Variants in FRYL observed in about 807,000 individuals in gnomAD.
FRYL encodes FRY like transcription coactivator.
A neutral mutation model predicts 351.2 loss-of-function variants in FRYL; 150 were observed. That is an observed-to-expected ratio of 0.43 (90% CI 0.37 to 0.49). FRYL has a LOEUF of 0.49. Ranked by LOEUF, FRYL falls within the 20% of genes least tolerant of loss-of-function variation. FRYL has a pLI of 0.00. For synonymous variants in FRYL, 1,153 were observed against 1,257.1 expected (o/e 0.92, Z 1.75); for missense variants, 3,036 against 3,619.3 (o/e 0.84, Z 4.13).
intron 2 of FRYL, among the ~76,000 whole-genome samples, chr4:48,704,454 C>CA (rs1189004807): frequency 6.6e-6 from 1 of 152,084 alleles, no homozygotes; most frequent in Admixed American, 6.6e-5. Flanking sequence ...GATGGGAACA[C>CA]AAAGAGGTAT....
chr4:48,752,789 A>G (rs1358567114), intron 1 of FRYL, among the ~76,000 whole-genome samples: 2 of 152,260 alleles, frequency 1.3e-5, no homozygotes, highest in African/African-American at 4.8e-5. Context: ...AAGTTTTTCA[A>G]AAGTATGTTT....
chr4:48,604,018 G>A (rs1346994357), intron 11 of FRYL, among the ~76,000 whole-genome samples: 5 of 151,986 alleles, frequency 3.3e-5, no homozygotes, highest in Non-Finnish European at 7.4e-5. Context: ...CACCCCTTTG[G>A]CAATCCTATG....
rs1344942940 is a variant in FRYL at position 48,710,604 on chromosome 4, G to C, written c.-289C>G. The C allele has an allele frequency of 5.0e-6, 2 of 398,508 alleles. No homozygotes were observed. Among genetic ancestry groups the C allele is most frequent in the East Asian group, 3.6e-5 (1 of 28,070 alleles). The allele number at this position is 398,508 out of a possible 1,614,324, so 24.7% of individuals were successfully genotyped here. A position where few individuals can be genotyped will look rare whatever the true frequency, so the allele number is the denominator to read the frequency against. On this transcript the variant is annotated 5_prime_UTR_variant, in exon 2 of 64. Coordinates refer to ENST00000358350, the MANE Select transcript of FRYL (RefSeq NM_015030.2). ...TCCATCTAGAAGCTTTTTTGATCTG[G>C]AGCTTGTACTTTACAGGCACTCGAG...
chr4:48,759,292 T>C (rs1052351447), intron 1 of FRYL, among the ~76,000 whole-genome samples: 6 of 152,102 alleles, frequency 3.9e-5, no homozygotes, highest in African/African-American at 1.4e-4. Flanking sequence ...ATGGACACCT[T>C]TTTCTCACAA....
At chr4:48,770,555 A>G (rs1481848344) in intron 1 of FRYL, among the ~76,000 whole-genome samples, 10 of 152,038 alleles carry the variant, frequency 6.6e-5, no homozygotes. Flanking sequence ...CTCCTGCCTC[A>G]GCCTCCTGTG....
chr4:48,623,768 G>A (rs562135184), intron 4 of FRYL, among the ~76,000 whole-genome samples: 1 of 151,922 alleles, frequency 6.6e-6, no homozygotes, highest in South Asian at 2.1e-4. Flanking sequence ...TTAAATATCT[G>A]TTCAATACTT....
At chr4:48,674,441 T>G (rs1763223582) in intron 3 of FRYL, among the ~76,000 whole-genome samples, 1 of 152,204 alleles carries the variant, frequency 6.6e-6, no homozygotes, top group Non-Finnish European at 1.5e-5. Flanking sequence ...TCATTTTGAT[T>G]TCTTTATTAA....
At position 48,498,083 on chromosome 4, in the gene FRYL, T is replaced by TTTTC. The variant is rs1553909990; in HGVS notation, c.*1335_*1338dup. On this transcript the variant is annotated 3_prime_UTR_variant, in exon 64 of 64. Transcript: ENST00000358350. ...GTGGGACTACATTCTTTTTTTTTTTTTTTCTTTCTTTTCTTACAAAATGCG... is the reference window on the plus strand; with the variant it reads ...GTGGGACTACATTCTTTTTTTTTTTTTTTCTTTCTTTCTTTTCTTACAAAATGCG... The TTTTC allele has an allele frequency of 6.6e-6, 1 of 152,046 alleles. No individual in the cohort carries two copies. Among genetic ancestry groups the TTTTC allele is most frequent in the Non-Finnish European group, 1.5e-5 (1 of 67,974 alleles). 9.4% of individuals were successfully genotyped at this position (152,046 alleles called of 1,614,324 possible). A position where few individuals can be genotyped will look rare whatever the true frequency, so the allele number is the denominator to read the frequency against.
chr4:48,682,787 T>C (rs552628303), intron 3 of FRYL, among the ~76,000 whole-genome samples: 9 of 152,278 alleles, frequency 5.9e-5, no homozygotes, highest in Admixed American at 3.9e-4. Flanking sequence ...GGAGAGGATA[T>C]AGAGAAATAG....
At chr4:48,521,004 A>C in intron 55 of FRYL, 44 bp downstream of exon 55, 1 of 1,490,180 alleles carries the variant, frequency 6.7e-7, no homozygotes, top group Non-Finnish European at 9.0e-7. Flanking sequence ...AGAGTGCTAA[A>C]AAGAGCCCAG....
intron 5 of FRYL, among the ~76,000 whole-genome samples, chr4:48,622,771 T>G (rs910866503): frequency 6.6e-6 from 1 of 152,092 alleles, no homozygotes; most frequent in African/African-American, 2.4e-5. Context: ...GCATTCTACA[T>G]GCAGATTGAG....
chr4:48,719,124 A>G (rs1769188485), intron 1 of FRYL, among the ~76,000 whole-genome samples: 1 of 151,632 alleles, frequency 6.6e-6, no homozygotes, highest in Admixed American at 6.6e-5. Context: ...AGGCTTGGTA[A>G]TTCAATGGTG....
At position 48,527,516 on chromosome 4, in the gene FRYL, C is replaced by T; in HGVS notation, c.7278G>A (p.Lys2426=). ...ATTCAACATCTAAAAAGTCAAAATCCTTAAAAACACCAAACTGTTGTTCAC... is the reference window on the plus strand; with the variant it reads ...ATTCAACATCTAAAAAGTCAAAATCTTTAAAAACACCAAACTGTTGTTCAC... ...NSSEQQFGVF[K]DFDFLDVELE... The change falls in exon 53 of 64, where the codon AAG becomes AAA. Residue 2426 remains lysine, a synonymous_variant. Transcript: ENST00000358350. 1.2e-6 allele frequency: 2 copies of T among 1,612,996 alleles called. No homozygotes were observed. Among genetic ancestry groups the T allele is most frequent in the Admixed American group, 1.7e-5 (1 of 59,956 alleles).
At position 48,586,692 on chromosome 4, in the gene FRYL, A is replaced by G. The variant is rs200159502; in HGVS notation, c.1677T>C (p.Thr559=). The G allele has an allele frequency of 6.1e-4, 984 of 1,610,340 alleles. 1 individual carries two copies. Among genetic ancestry groups the G allele is most frequent in the Middle Eastern group, 3.6e-3 (22 of 6,048 alleles). The change falls in exon 19 of 64, where the codon ACT becomes ACC. Residue 559 remains threonine (T), a synonymous_variant. Transcript: ENST00000358350. ...ERKPKIDLFR[T]CIAAIPRLIP... ...TCAACCTTGGAATCGCAGCAATACAAGTTCTAAACAAATCAATCTTGGGTT... is the reference window on the plus strand; with the variant it reads ...TCAACCTTGGAATCGCAGCAATACAGGTTCTAAACAAATCAATCTTGGGTT...
At chr4:48,674,067 T>G (rs1347159574) in intron 3 of FRYL, among the ~76,000 whole-genome samples, 1 of 152,232 alleles carries the variant, frequency 6.6e-6, no homozygotes, top group East Asian at 1.9e-4. Context: ...TTTATAAAAA[T>G]CAATGTTAAA....
chr4:48,630,693 C>T (rs1752795464), intron 4 of FRYL, among the ~76,000 whole-genome samples: 1 of 152,168 alleles, frequency 6.6e-6, no homozygotes, highest in African/African-American at 2.4e-5. Context: ...AAAAATCCAA[C>T]TCAGCTAATC....
intron 3 of FRYL, among the ~76,000 whole-genome samples, chr4:48,677,571 C>T (rs13135426): frequency 0.15 from 22,608 of 151,836 alleles, 2,073 homozygotes; most frequent in Middle Eastern, 0.24. Flanking sequence ...CCACCATGCC[C>T]GGCTAATTTT....
intron 1 of FRYL, among the ~76,000 whole-genome samples, chr4:48,722,395 T>C (rs1308194593): frequency 1.3e-5 from 2 of 152,222 alleles, no homozygotes; most frequent in African/African-American, 4.8e-5. Context: ...AAACGTTTTA[T>C]TAAAACCCAA....
In FRYL at chr4:48,582,749, A is replaced by T; in HGVS notation, c.1749-15T>A. On this transcript the variant is annotated splice_polypyrimidine_tract_variant and intron_variant, in intron 19 of 63. Transcript: ENST00000358350. ...GAATTGTGAGCCTACCAAGAACAAA[A>T]TTCCATTAGCAAACTTCAATACCTT... 1.3e-6 allele frequency: 2 copies of T among 1,574,250 alleles called. No homozygotes were observed. The highest frequency in any genetic ancestry group is 1.7e-6 in the Non-Finnish European group (2 of 1,144,754).
Sources: allele counts gnomAD v4.1 joint callset (sites outside exome capture counted in the v4.1 genomes callset), GRCh38; gene constraint gnomAD v4.1.1; transcripts MANE v1.5; gene names NCBI Gene and HGNC (gene_info 2026-07-23, HGNC 2026-07-21).